The following PRR7 variants were observed in gnomAD, a reference collection of about 807,000 sequenced individuals.
PRR7 encodes proline rich 7, synaptic.
Under a neutral mutation model 18.5 loss-of-function variants are expected in PRR7, and 8 were observed. The ratio of observed to expected loss-of-function variants is 0.43; its 90% CI spans 0.25 to 0.78. The LOEUF (loss-of-function observed/expected upper bound fraction) is 0.78. Among genes scored for constraint, PRR7 ranks in the 30% least tolerant of loss-of-function variants. The pLI is 0.22. For missense variants in PRR7, 396 were observed against 403.1 expected (o/e 0.98, Z 0.15); for synonymous variants, 221 against 187.7 (o/e 1.18, Z -1.45).
chr5:177,447,257 C>T (rs1215082323), intron 1 of PRR7, among the ~76,000 whole-genome samples: 1 of 152,034 alleles, frequency 6.6e-6, no homozygotes, highest in African/African-American at 2.4e-5. Flanking sequence ...CGCCCCCTCC[C>T]CCTCCCTCCC....
In PRR7 at chr5:177,455,384, C is replaced by T; in HGVS notation, c.317C>T (p.Pro106Leu). 1.3e-6 allele frequency: 2 copies of T among 1,492,388 alleles called. No individual in the cohort carries two copies. The highest frequency in any genetic ancestry group is 2.2e-5 in the Admixed American group (1 of 45,846). 92.4% of individuals were successfully genotyped at this position (1,492,388 alleles called of 1,614,324 possible). A position where few individuals can be genotyped will look rare whatever the true frequency, so the allele number is the denominator to read the frequency against. The change falls in exon 3 of 4, where the codon CCC becomes CTC. Residue 106 changes from proline to leucine, a missense_variant. Transcript: ENST00000323249. This position sits in a 1 kb window ranked among gnomAD's most constrained non-coding sequence, Gnocchi z 6.9. Reference protein sequence around the residue: ...VHVHPLLHHGPAQPHAHAHPH... With the variant: ...VHVHPLLHHGLAQPHAHAHPH... ...GTGCACCCGCTGCTGCACCACGGGC[C>T]CGCGCAGCCGCACGCGCACGCGCAC...
At chr5:177,453,392 C>G (rs1756247960) in intron 1 of PRR7, among the ~76,000 whole-genome samples, 1 of 152,232 alleles carries the variant, frequency 6.6e-6, no homozygotes, top group African/African-American at 2.4e-5. Context: ...ATGGCAGCCT[C>G]ATGGCAGGGT....
At chr5:177,447,170 C>T (rs1480598053) in intron 1 of PRR7, among the ~76,000 whole-genome samples, 1 of 152,140 alleles carries the variant, frequency 6.6e-6, no homozygotes, top group East Asian at 1.9e-4. Context: ...GGGGCGCGAG[C>T]CGCCACCAGT....
Position 177,454,786 on chromosome 5 carries a change from GGGCCGCGGC to G in PRR7, c.-239-41_-239-33del. The stretch of plus-strand genomic sequence containing the variant: ...CGGGCGGGGGCCGGGAAGTCGTTGG[GGGCCGCGGC>G]GCGCCTTCACTGCGCCCCGTGTCTG... On this transcript the variant is annotated intron_variant, in intron 2 of 3. Coordinates refer to ENST00000323249, the MANE Select transcript of PRR7 (RefSeq NM_030567.5). The surrounding 1 kb of genome is among the most constrained non-coding windows in gnomAD (Gnocchi z 4.7). The G allele has an allele frequency of 4.8e-6, 1 of 210,504 alleles. No homozygotes were observed. Among genetic ancestry groups the G allele is most frequent in the Non-Finnish European group, 9.3e-6 (1 of 107,488 alleles). 13.0% of individuals were successfully genotyped at this position (210,504 alleles called of 1,614,324 possible). A position where few individuals can be genotyped will look rare whatever the true frequency, so the allele number is the denominator to read the frequency against.
At position 177,455,416 on chromosome 5, in the gene PRR7, C is replaced by T. The variant is rs995930066; in HGVS notation, c.349C>T (p.Pro117Ser). ...AQPHAHAHPH[P>S]HHHALPHPPP... ...GCCGCACGCGCACGCGCACCCACAC[C>T]CGCACCACCACGCGCTCCCGCACCC... Residue 117 changes from proline (P) to serine (S), a missense_variant, in exon 3 of 4, where the codon CCG (proline) becomes TCG (serine). Pro to Ser is a moderately conservative substitution (Grantham distance 74). This residue lies in a region of PRR7 where 383 missense variants were observed against 372.6 expected (regional missense o/e 1.03). Transcript: ENST00000323249. This position sits in a 1 kb window ranked among gnomAD's most constrained non-coding sequence, Gnocchi z 6.9. 9 of 1,504,314 alleles carry T rather than the reference C, an allele frequency of 6.0e-6. No homozygotes were observed. In the Admixed American group the frequency reaches 6.3e-5, roughly 11 times the overall value. The allele number at this position is 1,504,314 out of a possible 1,614,324, so 93.2% of individuals were successfully genotyped here.
chr5:177,453,062 G>A (rs1427269679), intron 1 of PRR7, among the ~76,000 whole-genome samples: 2 of 152,230 alleles, frequency 1.3e-5, no homozygotes, highest in Non-Finnish European at 2.9e-5. Flanking sequence ...CTTCTGAGCT[G>A]TGTGACCTGG....
chr5:177,455,124 C>A lies in PRR7; in HGVS notation c.57C>A (p.Leu19=). The A allele has an allele frequency of 6.5e-7, 1 of 1,535,122 alleles. No individual in the cohort carries two copies. Among genetic ancestry groups the A allele is most frequent in the Non-Finnish European group, 8.7e-7 (1 of 1,143,066 alleles). ...TCACGTGCTTCGCCGGCTTCTGGCT[C>A]ATCTGGGGTCTCATCGTCCTGCTCT... is the stretch of plus-strand genomic sequence containing the variant. ...TFLTCFAGFW[L]IWGLIVLLCC... The change falls in exon 3 of 4, where the codon CTC becomes CTA. Residue 19 remains leucine (L), a synonymous_variant. Transcript: ENST00000323249. This position sits in a 1 kb window ranked among gnomAD's most constrained non-coding sequence, Gnocchi z 6.9.
intron 1 of PRR7, among the ~76,000 whole-genome samples, chr5:177,447,966 G>T (rs577508865): frequency 2.0e-5 from 3 of 152,188 alleles, no homozygotes; most frequent in Non-Finnish European, 4.4e-5. Flanking sequence ...TGCCTGGTCC[G>T]CCAGGGGAGC....
At position 177,454,093 on chromosome 5, in the gene PRR7, G is replaced by A. The variant is rs2127388339; in HGVS notation, c.-240+53G>A. 1 of 152,590 alleles carries A rather than the reference G, an allele frequency of 6.6e-6. No homozygotes were observed. The highest frequency in any genetic ancestry group is 2.1e-4 in the South Asian group (1 of 4,832). 9.5% of individuals were successfully genotyped at this position (152,590 alleles called of 1,614,324 possible). A position where few individuals can be genotyped will look rare whatever the true frequency, so the allele number is the denominator to read the frequency against. ...CTCATCTAGTTTTCCTCCCCTCCGC[G>A]AGAGGGAAAGGGAGACGGCGGCCTG... On this transcript the variant is annotated intron_variant, in intron 2 of 3. Coordinates refer to ENST00000323249, the MANE Select transcript of PRR7 (RefSeq NM_030567.5). The surrounding 1 kb of genome is among the most constrained non-coding windows in gnomAD (Gnocchi z 4.7).
In PRR7 at chr5:177,455,689, G is replaced by T; in HGVS notation, c.428-35G>T. The T allele has an allele frequency of 6.6e-7, 1 of 1,519,340 alleles. No individual in the cohort carries two copies. The highest frequency in any genetic ancestry group is 1.3e-5 in the South Asian group (1 of 79,006). The allele number at this position is 1,519,340 out of a possible 1,614,324, so 94.1% of individuals were successfully genotyped here. A position where few individuals can be genotyped will look rare whatever the true frequency, so the allele number is the denominator to read the frequency against. On this transcript the variant is annotated intron_variant, in intron 3 of 3. Coordinates refer to ENST00000323249, the MANE Select transcript of PRR7 (RefSeq NM_030567.5). The surrounding 1 kb of genome is among the most constrained non-coding windows in gnomAD (Gnocchi z 6.9). ...CCTCTGCGAGAGGCTGGGAACCGGCGGCCTCACCTCCTCCGACCGCCTCCC... is the reference window on the plus strand; with the variant it reads ...CCTCTGCGAGAGGCTGGGAACCGGCTGCCTCACCTCCTCCGACCGCCTCCC...
At position 177,446,972 on chromosome 5, in the gene PRR7, G is replaced by GC. The variant is rs1168122227; in HGVS notation, c.-325+12_-325+13insC. The GC allele has an allele frequency of 4.6e-5, 7 of 151,996 alleles. No homozygotes were observed. Among genetic ancestry groups the GC allele is most frequent in the African/African-American group, 1.7e-4 (7 of 41,372 alleles). 9.4% of individuals were successfully genotyped at this position (151,996 alleles called of 1,614,324 possible). ...GGATGCCTGGGCCCGTGAGTACCGCGGCGGCTGCGGGCCGGGCGGGCACGG... is the reference window on the plus strand; with the variant it reads ...GGATGCCTGGGCCCGTGAGTACCGCGCGCGGCTGCGGGCCGGGCGGGCACGG... On this transcript the variant is annotated intron_variant, in intron 1 of 3. Transcript: ENST00000323249. The surrounding 1 kb of genome is among the most constrained non-coding windows in gnomAD (Gnocchi z 5.3).
At chr5:177,447,546 A>AC (rs1338399030) in intron 1 of PRR7, 9 of 143,982 alleles carry the variant, frequency 6.3e-5, no homozygotes, top group East Asian at 2.1e-4. Flanking sequence ...TTGCCCATAG[A>AC]CCCCCCACCC....
chr5:177,446,069 T>G (rs1215264448), upstream of PRR7: 1 of 151,542 alleles, frequency 6.6e-6, no homozygotes, highest in Admixed American at 6.6e-5. The surrounding 1 kb of genome is among the most constrained non-coding windows in gnomAD (Gnocchi z 5.3). Context: ...CCAGCTAATA[T>G]GGTGGTGGAG....
Position 177,455,486 on chromosome 5 carries a change from C to A in PRR7, c.419C>A (p.Pro140Gln). Residue 140 changes from proline to glutamine, a missense_variant, in exon 3 of 4, where the codon CCG becomes CAG. Pro to Gln is a moderately conservative substitution (Grantham distance 76). Around this residue, in one of 2 missense-constraint regions of PRR7, gnomAD observed 383 missense variants for 372.6 expected, o/e 1.03. Coordinates refer to ENST00000323249, the MANE Select transcript of PRR7 (RefSeq NM_030567.5). The surrounding 1 kb of genome is among the most constrained non-coding windows in gnomAD (Gnocchi z 6.9). Reference protein sequence around the residue: ...LSVPPRPWSYPRQAESDMSKP... With the variant: ...LSVPPRPWSYQRQAESDMSKP... ...GTGCCGCCACGGCCCTGGAGCTACC[C>A]GCGCCAAGGTGAGTACCGACCTCCG... 4.0e-6 allele frequency: 6 copies of A among 1,497,348 alleles called. No homozygotes were observed. The highest frequency in any genetic ancestry group is 5.3e-6 in the Non-Finnish European group (6 of 1,133,670). 92.8% of individuals were successfully genotyped at this position (1,497,348 alleles called of 1,614,324 possible). A position where few individuals can be genotyped will look rare whatever the true frequency, so the allele number is the denominator to read the frequency against.
chr5:177,456,234 C>G lies in PRR7; in HGVS notation c.*113C>G. 1 of 1,214,786 alleles carries G rather than the reference C, an allele frequency of 8.2e-7. No homozygotes were observed. The highest frequency in any genetic ancestry group is 1.1e-6 in the Non-Finnish European group (1 of 917,598). 75.3% of individuals were successfully genotyped at this position (1,214,786 alleles called of 1,614,324 possible). ...GCGGGGGGAGGGAGGGATTTCTTATCCCGTTTGTTACATTTTGAGGATAAT... is the reference window on the plus strand; with the variant it reads ...GCGGGGGGAGGGAGGGATTTCTTATGCCGTTTGTTACATTTTGAGGATAAT... On this transcript the variant is annotated 3_prime_UTR_variant, in exon 4 of 4. Transcript: ENST00000323249.
rs1242822231 is a variant in PRR7, at chr5:177,455,422, C to G, written c.355C>G (p.His119Asp). ...CGCGCACGCGCACCCACACCCGCAC[C>G]ACCACGCGCTCCCGCACCCGCCGCC... The part of the protein sequence containing the change: ...PHAHAHPHPH[H>D]HALPHPPPTH... The change falls in exon 3 of 4, where the codon CAC becomes GAC. Residue 119 changes from histidine (H) to aspartate (D), a missense_variant. His to Asp is a moderately conservative substitution (Grantham distance 81). Coordinates refer to ENST00000323249, the MANE Select transcript of PRR7 (RefSeq NM_030567.5). This position sits in a 1 kb window ranked among gnomAD's most constrained non-coding sequence, Gnocchi z 6.9. The G allele has an allele frequency of 6.0e-6, 9 of 1,504,294 alleles. 1 individual carries two copies. In the East Asian group the frequency reaches 2.5e-4, roughly 41 times the overall value. 93.2% of individuals were successfully genotyped at this position (1,504,294 alleles called of 1,614,324 possible).
Position 177,455,145 on chromosome 5 carries a change from G to A in PRR7, c.78G>A (p.Leu26=). 1 of 1,570,242 alleles carries A rather than the reference G, an allele frequency of 6.4e-7. No homozygotes were observed. The highest frequency in any genetic ancestry group is 8.6e-7 in the Non-Finnish European group (1 of 1,162,150). The part of the protein sequence containing the change: ...GFWLIWGLIV[L]LCCFCSFLRR... ...GGCTCATCTGGGGTCTCATCGTCCT[G>A]CTCTGCTGCTTCTGCAGCTTCCTGC... The change falls in exon 3 of 4, where the codon CTG becomes CTA. Residue 26 remains leucine (L), a synonymous_variant. Coordinates refer to ENST00000323249, the MANE Select transcript of PRR7 (RefSeq NM_030567.5). This position sits in a 1 kb window ranked among gnomAD's most constrained non-coding sequence, Gnocchi z 6.9.
chr5:177,454,802 T>G lies in PRR7; in HGVS notation c.-239-27T>G. ...AGTCGTTGGGGGCCGCGGCGCGCCT[T>G]CACTGCGCCCCGTGTCTGCCCTACA... On this transcript the variant is annotated intron_variant, in intron 2 of 3. Transcript: ENST00000323249. This position sits in a 1 kb window ranked among gnomAD's most constrained non-coding sequence, Gnocchi z 4.7. 4.2e-6 allele frequency: 1 copy of G among 237,666 alleles called. No homozygotes were observed. Among genetic ancestry groups the G allele is most frequent in the Non-Finnish European group, 7.9e-6 (1 of 126,502 alleles). 14.7% of individuals were successfully genotyped at this position (237,666 alleles called of 1,614,324 possible). A position where few individuals can be genotyped will look rare whatever the true frequency, so the allele number is the denominator to read the frequency against.
At chr5:177,452,584 C>T (rs922079874) in intron 1 of PRR7, among the ~76,000 whole-genome samples, 14 of 152,204 alleles carry the variant, frequency 9.2e-5, no homozygotes, top group African/African-American at 3.1e-4. Context: ...GAGAAGACAG[C>T]GTTCAGTGTC....
Sources: allele counts gnomAD v4.1 joint callset (sites outside exome capture counted in the v4.1 genomes callset), GRCh38; gene constraint gnomAD v4.1.1; regional missense constraint gnomAD v4.1.1; non-coding constraint Gnocchi (gnomAD v3.1); transcripts MANE v1.5; gene names NCBI Gene and HGNC (gene_info 2026-07-23, HGNC 2026-07-21).